The following CSMD3 variants were observed in gnomAD, a reference collection of about 807,000 sequenced individuals.
The protein encoded by CSMD3 is CUB and sushi domain-containing protein 3.
In CSMD3, 177 loss-of-function variants were observed where a neutral mutation model predicts 435.2. The observed-to-expected ratio is 0.41, with a 90% CI of 0.36 to 0.46. The LOEUF is 0.46. CSMD3 is among the 20% of genes least tolerant of loss of function. CSMD3 has a pLI of 0.34. For synonymous variants in CSMD3, 1,656 were observed against 1,520.5 expected, an observed-to-expected ratio of 1.09 and a Z score of -2.07; for missense variants, 4,265 against 4,504.6, an observed-to-expected ratio of 0.95 and a Z score of 1.52.
intron 23 of CSMD3, among the ~76,000 whole-genome samples, chr8:112,581,230 T>C (rs1156349838): frequency 6.6e-6 from 1 of 152,090 alleles, no homozygotes; most frequent in African/African-American, 2.4e-5. Flanking sequence ...ATTTTTTCAA[T>C]AATTGTGTGA....
intron 23 of CSMD3, among the ~76,000 whole-genome samples, chr8:112,582,950 C>A (rs1563730850): frequency 6.6e-6 from 1 of 152,006 alleles, no homozygotes; most frequent in East Asian, 1.9e-4. Context: ...AACTTACCAG[C>A]CTTCAGAACT....
intron 11 of CSMD3, 65 bp from the exon 12 acceptor site, chr8:112,829,854 G>A: frequency 1.2e-6 from 1 of 824,262 alleles, no homozygotes; most frequent in Admixed American, 1.8e-5. Context: ...AACAAAAAAA[G>A]CAATGACAGA....
chr8:112,499,359 A>G (rs1219154681), intron 30 of CSMD3, among the ~76,000 whole-genome samples: 1 of 152,158 alleles, frequency 6.6e-6, no homozygotes, highest in East Asian at 1.9e-4. Context: ...AATTAAGAAT[A>G]GTAGATTTTA....
At chr8:112,447,444 A>G (rs779550677) in intron 32 of CSMD3, among the ~76,000 whole-genome samples, 2 of 152,160 alleles carry the variant, frequency 1.3e-5, no homozygotes, top group African/African-American at 4.8e-5. Flanking sequence ...AATAACTCCT[A>G]TCCCACAAAT....
At chr8:112,647,332 G>C (rs897188592) in intron 19 of CSMD3, among the ~76,000 whole-genome samples, 6 of 134,110 alleles carry the variant, frequency 4.5e-5, no homozygotes, top group African/African-American at 1.7e-4. Flanking sequence ...ATGGAATCTC[G>C]CCTTGTCCCC....
At chr8:112,800,367 T>G in intron 12 of CSMD3, 93 bp from the exon 13 acceptor site, 1 of 887,634 alleles carries the variant, frequency 1.1e-6, no homozygotes, top group African/African-American at 1.6e-5. Context: ...AATACTTTCT[T>G]TGCTAGAAAA....
intron 1 of CSMD3, among the ~76,000 whole-genome samples, chr8:113,355,749 T>TATATATATACACACAC (rs1357514892): frequency 7.4e-5 from 6 of 81,322 alleles, no homozygotes; most frequent in African/African-American, 3.3e-4. Context: ...TATATATATA[T>TATATATATACACACAC]ACACACACAC....
intron 38 of CSMD3, among the ~76,000 whole-genome samples, chr8:112,375,162 C>A (rs1423061615): frequency 3.3e-5 from 5 of 152,188 alleles, no homozygotes; most frequent in Middle Eastern, 3.4e-3. Flanking sequence ...CAGTGGCTTT[C>A]TTTGATTGCT....
intron 3 of CSMD3, among the ~76,000 whole-genome samples, chr8:113,210,709 C>T (rs916468885): frequency 6.6e-6 from 1 of 151,770 alleles, no homozygotes; most frequent in Non-Finnish European, 1.5e-5. Flanking sequence ...GAAACCCCGT[C>T]CCTACTGAAA....
At chr8:112,389,815 T>C (rs528851710) in intron 36 of CSMD3, among the ~76,000 whole-genome samples, 2 of 152,316 alleles carry the variant, frequency 1.3e-5, no homozygotes, top group East Asian at 3.9e-4. Context: ...ATAGGATATA[T>C]ATACTGATTC....
At chr8:112,864,146 A>C (rs767017357) in intron 10 of CSMD3, among the ~76,000 whole-genome samples, 15 of 152,176 alleles carry the variant, frequency 9.9e-5, no homozygotes, top group Non-Finnish European at 1.9e-4. Context: ...TATCTAACAC[A>C]ATATGCTGTA....
intron 9 of CSMD3, among the ~76,000 whole-genome samples, chr8:112,930,286 A>C (rs2083064001): frequency 6.6e-6 from 1 of 152,140 alleles, no homozygotes; most frequent in Non-Finnish European, 1.5e-5. Context: ...AGACAGCAAT[A>C]AACTAAATAA....
At chr8:112,505,431 T>A (rs1203012347) in intron 29 of CSMD3, among the ~76,000 whole-genome samples, 1 of 152,142 alleles carries the variant, frequency 6.6e-6, no homozygotes, top group Non-Finnish European at 1.5e-5. Flanking sequence ...CATTAAACTT[T>A]GATGGTAATT....
At chr8:113,305,473 C>T (rs1049407119) in intron 2 of CSMD3, among the ~76,000 whole-genome samples, 2 of 152,094 alleles carry the variant, frequency 1.3e-5, no homozygotes, top group Non-Finnish European at 2.9e-5. Context: ...TAAACCTTTC[C>T]ACAGATTTAC....
At chr8:112,814,772 A>G (rs977093117) in intron 12 of CSMD3, among the ~76,000 whole-genome samples, 2 of 148,840 alleles carry the variant, frequency 1.3e-5, no homozygotes, top group African/African-American at 2.5e-5. Flanking sequence ...ACAGAGCAAG[A>G]CTCCATCTCA....
At chr8:113,377,230 C>T in intron 1 of CSMD3, 4 of 845,810 alleles carry the variant, frequency 4.7e-6, no homozygotes, top group Non-Finnish European at 6.1e-6. Flanking sequence ...GAAGGGCCAG[C>T]CGAGGATACA....
chr8:113,033,569 A>ATT (rs1285513451), intron 5 of CSMD3, among the ~76,000 whole-genome samples: 6 of 106,830 alleles, frequency 5.6e-5, no homozygotes, highest in African/African-American at 1.0e-4. Context: ...TTTGATTTTG[A>ATT]TTTTTTTTTT....
At chr8:112,662,328 T>C (rs1325113829) in intron 17 of CSMD3, among the ~76,000 whole-genome samples, 2 of 152,040 alleles carry the variant, frequency 1.3e-5, no homozygotes, top group Admixed American at 6.5e-5. Flanking sequence ...AACAAAGATA[T>C]AGACCAACGG....
intron 23 of CSMD3, among the ~76,000 whole-genome samples, chr8:112,585,263 T>C (rs1830635070): frequency 6.6e-6 from 1 of 151,658 alleles, no homozygotes; most frequent in Non-Finnish European, 1.5e-5. Flanking sequence ...ATATTTAGTA[T>C]ATAATATTTT....
Sources: allele counts gnomAD v4.1 joint callset (sites outside exome capture counted in the v4.1 genomes callset), GRCh38; gene constraint gnomAD v4.1.1; transcripts MANE v1.5; gene names NCBI Gene and HGNC (gene_info 2026-07-23, HGNC 2026-07-21).